The following MYO5C variants were observed in gnomAD, a reference collection of about 807,000 sequenced individuals.
MYO5C encodes unconventional myosin-Vc.
MYO5C carries 194 observed loss-of-function variants against 235.7 expected under a neutral mutation model. The ratio of observed to expected loss-of-function variants is 0.82; its 90% CI spans 0.73 to 0.93. The LOEUF (loss-of-function observed/expected upper bound fraction) is 0.93. Among genes scored for constraint, MYO5C ranks in the 40% least tolerant of loss-of-function variants. The pLI is 0.00. For synonymous variants in MYO5C, 707 were observed against 754.8 expected, an observed-to-expected ratio of 0.94 and a Z score of 1.04; for missense variants, 2,038 against 2,127.2, an observed-to-expected ratio of 0.96 and a Z score of 0.82.
At chr15:52,282,735 C>T in intron 2 of MYO5C, 47 bp downstream of exon 2, 1 of 1,356,852 alleles carries the variant, frequency 7.4e-7, no homozygotes, top group Non-Finnish European at 1.1e-6. Flanking sequence ...CACACCCCAG[C>T]TACCGCTTTA....
At chr15:52,289,539 C>T (rs867036526) in intron 1 of MYO5C, among the ~76,000 whole-genome samples, 98 of 152,280 alleles carry the variant, frequency 6.4e-4, no homozygotes, top group African/African-American at 2.3e-3. Flanking sequence ...AAAAGACTGC[C>T]TTTTAAAAGC....
chr15:52,213,367 A>G (rs1159655578), intron 33 of MYO5C, 81 bp from the exon 34 acceptor site: 1 of 925,954 alleles, frequency 1.1e-6, no homozygotes, highest in Non-Finnish European at 1.8e-6. Flanking sequence ...CTCCTACCCC[A>G]TTCTGGCTGG....
chr15:52,258,917 T>A (rs1472722154), intron 10 of MYO5C, among the ~76,000 whole-genome samples: 1 of 152,190 alleles, frequency 6.6e-6, no homozygotes, highest in Admixed American at 6.5e-5. Context: ...TCCAGCTCAC[T>A]ACTCCTTGCA....
intron 4 of MYO5C, 31 bp downstream of exon 4, chr15:52,278,842 C>G (rs755906716): frequency 1.2e-6 from 2 of 1,611,154 alleles, no homozygotes; most frequent in Non-Finnish European, 1.7e-6. Context: ...ATTGGCAGAG[C>G]AAGGGGAAGT....
In MYO5C at chr15:52,227,300, C is replaced by G. The variant is rs573741053; in HGVS notation, c.3208-1768G>C. Among the ~76,000 whole-genome samples the G allele has an allele frequency of 1.0e-3, 155 of 148,908 alleles. 1 individual carries two copies. The highest frequency in any genetic ancestry group is 3.7e-3 in the African/African-American group (150 of 40,596). ...ACCTCCACCTCCCAGGTTCAAGCGA[C>G]CCTCCTGCCTCAGCCTCCCGAGTAG... On this transcript the variant is annotated intron_variant, in intron 25 of 40. Transcript: ENST00000261839.
chr15:52,277,209 AAAC>A, intron 4 of MYO5C: 1 of 530,900 alleles, frequency 1.9e-6, no homozygotes, highest in Non-Finnish European at 3.9e-6. Flanking sequence ...GTCTAGCATC[AAAC>A]AAGGCCAACA....
chr15:52,256,184 C>CCCTG (rs1311600338), intron 11 of MYO5C, among the ~76,000 whole-genome samples: 1 of 152,050 alleles, frequency 6.6e-6, no homozygotes, highest in Non-Finnish European at 1.5e-5. Flanking sequence ...TAGGAAGAGG[C>CCCTG]CAGGAGGTAT....
At chr15:52,201,744 A>G (rs1389735746) in intron 38 of MYO5C, among the ~76,000 whole-genome samples, 1 of 152,036 alleles carries the variant, frequency 6.6e-6, no homozygotes, top group Non-Finnish European at 1.5e-5. Context: ...TAGATCTAAT[A>G]TATAAGACCA....
intron 40 of MYO5C, 26 bp downstream of exon 40, chr15:52,195,351 A>C: frequency 6.6e-7 from 1 of 1,510,918 alleles, no homozygotes; most frequent in South Asian, 1.2e-5. Flanking sequence ...AAGTAAAATT[A>C]AAAGGCACAT....
At chr15:52,207,453 T>C (rs2035345737) in intron 36 of MYO5C, among the ~76,000 whole-genome samples, 1 of 152,212 alleles carries the variant, frequency 6.6e-6, no homozygotes, top group Non-Finnish European at 1.5e-5. Context: ...ACTAGACAGA[T>C]TGCTGTTATA....
chr15:52,252,218 A>T (rs913250270), intron 12 of MYO5C, among the ~76,000 whole-genome samples: 8 of 152,184 alleles, frequency 5.3e-5, no homozygotes, highest in African/African-American at 1.9e-4. Flanking sequence ...CTTCCCAAAG[A>T]AATCTAAAGG....
At chr15:52,221,333 C>A in intron 29 of MYO5C, 78 bp from the exon 30 acceptor site, 1 of 1,040,408 alleles carries the variant, frequency 9.6e-7, no homozygotes, top group Non-Finnish European at 1.4e-6. Context: ...GCAAACTGAA[C>A]TATCTTGGTG....
At chr15:52,286,522 T>A (rs1347053260) in intron 1 of MYO5C, among the ~76,000 whole-genome samples, 6 of 152,122 alleles carry the variant, frequency 3.9e-5, no homozygotes, top group Admixed American at 1.3e-4. Context: ...GGGAAAAGAT[T>A]GAGAAATCGG....
chr15:52,266,102 A>G lies in MYO5C; in HGVS notation c.941-1806T>C, dbSNP rs554190305. On this transcript the variant is annotated intron_variant, in intron 8 of 40. Coordinates refer to ENST00000261839, the MANE Select transcript of MYO5C (RefSeq NM_018728.4). The stretch of plus-strand genomic sequence containing the variant: ...CACTCCTCCCTGCTTTCTGTGATCC[A>G]TAACTAAACCCCTTAAACTACTCCA... Among the ~76,000 whole-genome samples the G allele has an allele frequency of 1.1e-4, 16 of 152,362 alleles. No homozygotes were observed. In the South Asian group the frequency reaches 3.3e-3, roughly 32 times the overall value.
At chr15:52,221,904 T>C (rs2035696762) in intron 29 of MYO5C, among the ~76,000 whole-genome samples, 1 of 152,224 alleles carries the variant, frequency 6.6e-6, no homozygotes, top group Non-Finnish European at 1.5e-5. Context: ...TTACTATTTT[T>C]CGAGTTTGTG....
rs750885191 is a variant in MYO5C, at chr15:52,275,548, G to A, written c.606+14C>T. On this transcript the variant is annotated intron_variant, in intron 5 of 40. Coordinates refer to ENST00000261839, the MANE Select transcript of MYO5C (RefSeq NM_018728.4). ...CATCACCAACACCCAGCTGCCTTCC[G>A]CAGTGGTACGCACCTCGGTGATGGG... The A allele has an allele frequency of 6.8e-6, 11 of 1,613,736 alleles. No individual in the cohort carries two copies. The highest frequency in any genetic ancestry group is 6.7e-5 in the East Asian group (3 of 44,886).
intron 31 of MYO5C, among the ~76,000 whole-genome samples, 176 bp from the exon 32 acceptor site, chr15:52,218,863 A>C (rs1208928788): frequency 6.6e-6 from 1 of 152,240 alleles, no homozygotes; most frequent in Non-Finnish European, 1.5e-5. Flanking sequence ...AGAGACCAGG[A>C]CTGGCTGGGA....
intron 1 of MYO5C, among the ~76,000 whole-genome samples, chr15:52,291,336 G>A (rs1003796209): frequency 6.6e-6 from 1 of 152,162 alleles, no homozygotes; most frequent in South Asian, 2.1e-4. Context: ...TCCTCAAGCC[G>A]TCTGTCCTAC....
chr15:52,246,257 G>A (rs2036341667), intron 16 of MYO5C, among the ~76,000 whole-genome samples: 1 of 152,202 alleles, frequency 6.6e-6, no homozygotes, highest in Non-Finnish European at 1.5e-5. Flanking sequence ...TGACTCTGAT[G>A]GAGGTGGCAT....
Sources: gnomAD v4.1 joint callset for allele counts (sites outside exome capture counted in the v4.1 genomes callset) on GRCh38, gnomAD v4.1.1 for gene constraint, MANE v1.5 for transcripts, NCBI Gene and HGNC (gene_info 2026-07-23, HGNC 2026-07-21) for gene names.